Variants in PDE1A observed in about 807,000 individuals in gnomAD.
PDE1A encodes the protein phosphodiesterase 1A.
Under a neutral mutation model 61.7 loss-of-function variants are expected in PDE1A, and 35 were observed. That is an observed-to-expected ratio of 0.57 (90% CI 0.43 to 0.75). The LOEUF is 0.75. PDE1A is among the 30% of genes least tolerant of loss of function. PDE1A has a pLI of 0.00. For synonymous variants in PDE1A, 232 were observed against 213.2 expected (o/e 1.09, Z -0.77); for missense variants, 597 against 630.6 (o/e 0.95, Z 0.57).
downstream of PDE1A, among the ~76,000 whole-genome samples, chr2:182,146,028 G>A (rs573068783): frequency 5.3e-5 from 8 of 152,236 alleles, no homozygotes; most frequent in South Asian, 2.1e-4. Flanking sequence ...AACAGGATGC[G>A]TTATAACACT....
In PDE1A at chr2:182,209,579, A is replaced by C. The variant is rs144130041; in HGVS notation, c.777-3514T>G. ...AATCTCATATTGAATTGTAATCTCC[A>C]GTACTGGTAGAGGGACCTGGTAGGA... On this transcript the variant is annotated intron_variant, in intron 7 of 13. Transcript: ENST00000351439. 3.9e-3 allele frequency among the ~76,000 whole-genome samples: 597 copies of C among 151,848 alleles called. 1 individual carries two copies. The highest frequency in any genetic ancestry group is 0.014 in the African/African-American group (587 of 41,482).
At chr2:182,668,510 A>C in the PDE1A span, among the ~76,000 whole-genome samples, 2 of 152,024 alleles carry the variant, frequency 1.3e-5, no homozygotes, top group African/African-American at 4.8e-5. Flanking sequence ...ATACCCCTAG[A>C]CAGTCTCTAG....
At chr2:182,240,582 G>T (rs553076664) in intron 2 of PDE1A, among the ~76,000 whole-genome samples, 37 of 152,212 alleles carry the variant, frequency 2.4e-4, no homozygotes, top group African/African-American at 8.2e-4. Context: ...AATATCTTTA[G>T]TGTGCTATTC....
chr2:182,390,656 T>G (rs938993051), intron 1 of PDE1A, among the ~76,000 whole-genome samples: 6 of 152,184 alleles, frequency 3.9e-5, no homozygotes, highest in Non-Finnish European at 7.3e-5. Flanking sequence ...GCCCTTATCG[T>G]GTGAGTGGCT....
downstream of PDE1A, among the ~76,000 whole-genome samples, chr2:182,166,006 T>C (rs1691633664): frequency 6.6e-6 from 1 of 152,156 alleles, no homozygotes; most frequent in Non-Finnish European, 1.5e-5. Context: ...TTAGTACACG[T>C]TGGCTTGTAA....
intron 2 of PDE1A, among the ~76,000 whole-genome samples, chr2:182,246,297 T>C (rs1690938363): frequency 6.6e-6 from 1 of 152,216 alleles, no homozygotes; most frequent in Non-Finnish European, 1.5e-5. Flanking sequence ...ATCATTTCCT[T>C]ACTGCATTTA....
chr2:182,533,090 T>C, the PDE1A span, among the ~76,000 whole-genome samples: 5 of 151,548 alleles, frequency 3.3e-5, no homozygotes, highest in African/African-American at 1.2e-4. Flanking sequence ...AGCCGGTGGA[T>C]CATTTGAGGT....
chr2:182,162,889 G>A (rs1475744567), downstream of PDE1A, among the ~76,000 whole-genome samples: 1 of 152,152 alleles, frequency 6.6e-6, no homozygotes, highest in African/African-American at 2.4e-5. Flanking sequence ...GCAGCAGACA[G>A]AATCCCCACA....
the PDE1A span, among the ~76,000 whole-genome samples, chr2:182,608,999 C>T: frequency 6.6e-6 from 1 of 152,090 alleles, no homozygotes; most frequent in African/African-American, 2.4e-5. Flanking sequence ...GTGAATGCAC[C>T]AACTGGCACT....
intron 1 of PDE1A, among the ~76,000 whole-genome samples, chr2:182,400,749 GC>G (rs1269362190): frequency 6.6e-6 from 1 of 152,156 alleles, no homozygotes; most frequent in African/African-American, 2.4e-5. Flanking sequence ...GGAAATCAAG[GC>G]CAAAGCAGGG....
intron 2 of PDE1A, among the ~76,000 whole-genome samples, chr2:182,453,896 C>T (rs9798118): frequency 0.17 from 25,264 of 151,072 alleles, 2,491 homozygotes; most frequent in Middle Eastern, 0.35. Context: ...CTATTCAACA[C>T]AGTGTTGGAA....
the PDE1A span, among the ~76,000 whole-genome samples, chr2:182,644,003 G>A: frequency 2.6e-5 from 4 of 151,838 alleles, no homozygotes; most frequent in African/African-American, 4.8e-5. Flanking sequence ...TTAATCTCTT[G>A]TAAGTTTTCC....
the PDE1A span, among the ~76,000 whole-genome samples, chr2:182,580,292 T>A: frequency 6.6e-6 from 1 of 152,074 alleles, no homozygotes; most frequent in African/African-American, 2.4e-5. Flanking sequence ...TAACAGAAAT[T>A]TATTTCCTCA....
chr2:182,647,297 T>C, the PDE1A span, among the ~76,000 whole-genome samples: 15 of 152,320 alleles, frequency 9.8e-5, no homozygotes, highest in South Asian at 2.1e-4. Context: ...CTTGACAAGA[T>C]AGATTACTGA....
chr2:182,425,632 G>A lies in PDE1A; in HGVS notation c.53+946C>T, dbSNP rs200497963. ...CACATTTTATATAATTATATTCCTCGAGGTCTACTCATTCATTATGTAGAA... is the reference window on the plus strand; with the variant it reads ...CACATTTTATATAATTATATTCCTCAAGGTCTACTCATTCATTATGTAGAA... On this transcript the variant is annotated intron_variant, in intron 1 of 13. Coordinates refer to ENST00000351439, the Ensembl canonical transcript of PDE1A. Among the ~76,000 whole-genome samples the A allele has an allele frequency of 2.0e-4, 31 of 151,848 alleles. No individual in the cohort carries two copies. The East Asian group carries it at 5.6e-3, about 28-fold the overall frequency.
the PDE1A span, among the ~76,000 whole-genome samples, chr2:182,577,785 T>A: frequency 1.3e-5 from 2 of 152,154 alleles, no homozygotes; most frequent in African/African-American, 4.8e-5. Context: ...CTAGGTGTGG[T>A]GGCCCGTGCC....
At chr2:182,568,938 AAAT>A in the PDE1A span, among the ~76,000 whole-genome samples, 6 of 152,132 alleles carry the variant, frequency 3.9e-5, no homozygotes, top group South Asian at 8.3e-4. Flanking sequence ...AAATTGAAAA[AAAT>A]AATAATAATA....
rs140648421 is a variant in PDE1A at position 182,341,590 on chromosome 2, T to C, written c.54-77176A>G. Among the ~76,000 whole-genome samples the C allele has an allele frequency of 2.0e-5, 3 of 152,236 alleles. No homozygotes were observed. In the East Asian group the frequency reaches 5.8e-4, roughly 29 times the overall value. Reference sequence around the variant, plus strand: ...TTTGATAAACAGGTGTGACATGCAGTTTTATCTTATCCATCACCCCCATAA... The same window carrying C: ...TTTGATAAACAGGTGTGACATGCAGCTTTATCTTATCCATCACCCCCATAA... On this transcript the variant is annotated intron_variant, in intron 1 of 13. Coordinates refer to ENST00000351439, the Ensembl canonical transcript of PDE1A.
chr2:182,428,916 T>G (rs555585124), upstream of PDE1A, among the ~76,000 whole-genome samples: 1 of 152,232 alleles, frequency 6.6e-6, no homozygotes, highest in African/African-American at 2.4e-5. Context: ...ACATAAATAC[T>G]AATAAACATC....
Sources: gnomAD v4.1 joint callset for allele counts (sites outside exome capture counted in the v4.1 genomes callset) on GRCh38, gnomAD v4.1.1 for gene constraint, MANE v1.5 for transcripts, NCBI Gene and HGNC (gene_info 2026-07-23, HGNC 2026-07-21) for gene names.